RALGAPA1: variants seen among roughly 807,000 people sequenced by gnomAD.
The protein encoded by RALGAPA1 is Ral GTPase activating protein catalytic subunit alpha 1.
RALGAPA1 carries 52 observed loss-of-function variants against 269.6 expected under a neutral mutation model. The ratio of observed to expected loss-of-function variants is 0.19; its 90% CI spans 0.15 to 0.24. RALGAPA1 has a LOEUF of 0.24. Ranked by LOEUF, RALGAPA1 falls within the 10% of genes least tolerant of loss-of-function variation. RALGAPA1 has a pLI of 1.00. For synonymous variants in RALGAPA1, 817 were observed against 1,008.3 expected (o/e 0.81, Z 3.60); for missense variants, 1,917 against 3,013.9 (o/e 0.64, Z 8.52).
At chr14:35,754,209 C>A (rs1272477193) in intron 7 of RALGAPA1, among the ~76,000 whole-genome samples, 1 of 151,954 alleles carries the variant, frequency 6.6e-6, no homozygotes, top group Non-Finnish European at 1.5e-5. Context: ...AGAAACAATT[C>A]CAAAAGTCAG....
chr14:35,564,647 G>A (rs762802908), intron 39 of RALGAPA1: 4 of 152,176 alleles, frequency 2.6e-5, no homozygotes, highest in Non-Finnish European at 5.9e-5. Context: ...GATACTAGTT[G>A]TGGTAGGAAA....
At chr14:35,644,871 A>G (rs2062288271) in intron 31 of RALGAPA1, among the ~76,000 whole-genome samples, 1 of 152,214 alleles carries the variant, frequency 6.6e-6, no homozygotes, top group Non-Finnish European at 1.5e-5. Flanking sequence ...CCATGTAACA[A>G]ACCTGCACAT....
At chr14:35,788,094 C>G (rs1259429481) in intron 1 of RALGAPA1, among the ~76,000 whole-genome samples, 1 of 152,126 alleles carries the variant, frequency 6.6e-6, no homozygotes. Context: ...GCCTCAGCCT[C>G]CCGGGTAGCT....
At chr14:35,639,383 AATCAACAGAGACATT>A (rs2139805362) in intron 31 of RALGAPA1, among the ~76,000 whole-genome samples, 1 of 152,298 alleles carries the variant, frequency 6.6e-6, no homozygotes, top group African/African-American at 2.4e-5. Context: ...CCAGACAGAA[AATCAACAGAGACATT>A]GGACTTAATG....
intron 31 of RALGAPA1, among the ~76,000 whole-genome samples, chr14:35,637,836 A>G: frequency 6.6e-6 from 1 of 152,214 alleles, no homozygotes. Flanking sequence ...AGAAACAAAT[A>G]ACATACAATG....
Position 35,808,930 on chromosome 14 carries a change from C to T in RALGAPA1, c.-95G>A. The T allele has an allele frequency of 2.0e-6, 3 of 1,512,870 alleles. No homozygotes were observed. The highest frequency in any genetic ancestry group is 2.7e-6 in the Non-Finnish European group (3 of 1,131,984). The allele number at this position is 1,512,870 out of a possible 1,614,324, so 93.7% of individuals were successfully genotyped here. ...AGGGAGTGGACGGGGAGGAGACTAG[C>T]CAGAGAGGCTCATTAGCTCCCCAGC... is the stretch of plus-strand genomic sequence containing the variant. On this transcript the variant is annotated 5_prime_UTR_variant, in exon 1 of 42. Transcript: ENST00000680220.
intron 3 of RALGAPA1, among the ~76,000 whole-genome samples, chr14:35,773,227 C>T (rs75412345): frequency 0.022 from 3,386 of 152,098 alleles, 124 homozygotes; most frequent in South Asian, 0.14. Flanking sequence ...GAATATAAAA[C>T]CTCTACCATA....
chr14:35,741,421 AG>A (rs1212078644), intron 11 of RALGAPA1, among the ~76,000 whole-genome samples: 9 of 152,004 alleles, frequency 5.9e-5, no homozygotes, highest in African/African-American at 2.2e-4. Context: ...CTTTCTTAGA[AG>A]GGGGGAGGGT....
chr14:35,654,862 A>G (rs1418894684), intron 29 of RALGAPA1, among the ~76,000 whole-genome samples: 1 of 151,776 alleles, frequency 6.6e-6, no homozygotes, highest in African/African-American at 2.4e-5. Context: ...AACTCAGAGG[A>G]CTCCCCAATG....
At chr14:35,590,842 T>G (rs569882605) in intron 37 of RALGAPA1, among the ~76,000 whole-genome samples, 1 of 152,342 alleles carries the variant, frequency 6.6e-6, no homozygotes, top group South Asian at 2.1e-4. Context: ...AGCTTTGATA[T>G]CAGGCAACAG....
rs777367282 is a variant in RALGAPA1 at position 35,627,551 on chromosome 14, T to C, written c.6396A>G (p.Thr2132=). Residue 2132 remains threonine (T), a synonymous_variant, in exon 34 of 42, where the codon ACA becomes ACG. Transcript: ENST00000680220. ...PPPVSGLSEP[T]SFMLSLSHQE... is the part of the protein sequence containing the mutation. ...GGTGAGACAATGAAAGCATGAAAGATGTAGGTTCTGACAAGCCACTTACAG... is the reference window on the plus strand; with the variant it reads ...GGTGAGACAATGAAAGCATGAAAGACGTAGGTTCTGACAAGCCACTTACAG... 2 of 1,582,766 alleles carry C rather than the reference T, an allele frequency of 1.3e-6. No individual in the cohort carries two copies. The highest frequency in any genetic ancestry group is 1.4e-5 in the African/African-American group (1 of 73,552).
At chr14:35,779,097 T>C (rs901532069) in intron 1 of RALGAPA1, among the ~76,000 whole-genome samples, 2 of 152,156 alleles carry the variant, frequency 1.3e-5, no homozygotes, top group Admixed American at 6.6e-5. Context: ...TATCTGCCTA[T>C]AAGAATAATA....
chr14:35,607,439 C>G (rs1161314933), intron 35 of RALGAPA1, among the ~76,000 whole-genome samples: 1 of 152,140 alleles, frequency 6.6e-6, no homozygotes, highest in African/African-American at 2.4e-5. Flanking sequence ...GCTGAAAGAA[C>G]CAGGTCTGCT....
At chr14:35,774,743 G>T (rs1486548033) in intron 3 of RALGAPA1, among the ~76,000 whole-genome samples, 1 of 152,024 alleles carries the variant, frequency 6.6e-6, no homozygotes, top group Non-Finnish European at 1.5e-5. Flanking sequence ...AATCTTCATT[G>T]TTTGCAAACA....
intron 9 of RALGAPA1, among the ~76,000 whole-genome samples, chr14:35,749,622 C>A (rs1041460565): frequency 6.6e-6 from 1 of 152,112 alleles, no homozygotes; most frequent in African/African-American, 2.4e-5. Context: ...CCATTACATT[C>A]TAGGATCAGA....
chr14:35,668,564 G>A (rs988574623), intron 26 of RALGAPA1, among the ~76,000 whole-genome samples: 8 of 152,236 alleles, frequency 5.3e-5, no homozygotes, highest in African/African-American at 1.7e-4. Context: ...GGCCAAGGCA[G>A]GGAGGATTAC....
intron 35 of RALGAPA1, among the ~76,000 whole-genome samples, chr14:35,617,687 T>G (rs943139906): frequency 2.7e-5 from 4 of 150,182 alleles, no homozygotes; most frequent in Non-Finnish European, 5.9e-5. Context: ...ATTATTTCAT[T>G]GTTAAATAAT....
In RALGAPA1 at chr14:35,635,476, A is replaced by G. The variant is rs146883356; in HGVS notation, c.5799T>C (p.Asn1933=). The change falls in exon 32 of 42, where the codon AAT becomes AAC. Residue 1933 remains asparagine, a synonymous_variant. Coordinates refer to ENST00000680220, the MANE Select transcript of RALGAPA1 (RefSeq NM_001346249.2). The part of the protein sequence containing the change: ...ESDKTEKSVL[N]CIYKVLHGCV... ...CAAGGAAGTTTACCTTATAAATGCA[A>G]TTGAGAACAGATTTTTCTGTTTTAT... is the stretch of plus-strand genomic sequence containing the variant. 5.7e-5 allele frequency: 91 copies of G among 1,596,804 alleles called. No homozygotes were observed. The African/African-American group carries it at 1.1e-3, about 19-fold the overall frequency.
chr14:35,700,153 T>TG lies in RALGAPA1; in HGVS notation c.2407+8dup. ...AAGGTGGTGCAGAAATTAGCAGAGG[T>TG]GGCACTACCTGAAAGCTCATCAGAA... is the stretch of plus-strand genomic sequence containing the variant. On this transcript the variant is annotated intron_variant, in intron 17 of 41. Coordinates refer to ENST00000680220, the MANE Select transcript of RALGAPA1 (RefSeq NM_001346249.2). 6.6e-7 allele frequency: 1 copy of TG among 1,517,518 alleles called. No homozygotes were observed. The highest frequency in any genetic ancestry group is 2.2e-5 in the Admixed American group (1 of 45,168). The allele number at this position is 1,517,518 out of a possible 1,614,324, so 94.0% of individuals were successfully genotyped here. A position where few individuals can be genotyped will look rare whatever the true frequency, so the allele number is the denominator to read the frequency against.
Sources: allele counts gnomAD v4.1 joint callset (sites outside exome capture counted in the v4.1 genomes callset), GRCh38; gene constraint gnomAD v4.1.1; transcripts MANE v1.5; gene names NCBI Gene and HGNC (gene_info 2026-07-23, HGNC 2026-07-21).